SUGCT: variants seen among roughly 807,000 people sequenced by gnomAD.
The protein encoded by SUGCT is succinyl-CoA:glutarate CoA-transferase.
Under a neutral mutation model 55.0 loss-of-function variants are expected in SUGCT, and 41 were observed. The ratio of observed to expected loss-of-function variants is 0.74; its 90% CI spans 0.58 to 0.97. The LOEUF (loss-of-function observed/expected upper bound fraction) is 0.97, where lower values mean the gene tolerates loss of function less well. Ranked by LOEUF, SUGCT falls within the 50% of genes least tolerant of loss-of-function variation. SUGCT has a pLI of 0.00. For synonymous variants in SUGCT, 187 were observed against 200.4 expected, an observed-to-expected ratio of 0.93 and a Z score of 0.56; for missense variants, 568 against 547.8, an observed-to-expected ratio of 1.04 and a Z score of -0.37.
At chr7:40,489,069 T>C (rs1290451344) in intron 11 of SUGCT, among the ~76,000 whole-genome samples, 1 of 152,124 alleles carries the variant, frequency 6.6e-6, no homozygotes, top group Non-Finnish European at 1.5e-5. Context: ...CCCTTTACCT[T>C]TCTCCACTCT....
intron 1 of SUGCT, among the ~76,000 whole-genome samples, chr7:40,138,934 T>C (rs1472243006): frequency 6.6e-6 from 1 of 152,102 alleles, no homozygotes; most frequent in African/African-American, 2.4e-5. Context: ...TTAAAATGAT[T>C]ACAGCATACT....
intron 1 of SUGCT, among the ~76,000 whole-genome samples, chr7:40,167,986 G>A (rs1989589): frequency 0.51 from 77,602 of 151,984 alleles, 20,212 homozygotes; most frequent in Middle Eastern, 0.65. Context: ...AAATGCCTGG[G>A]GTTTATATCC....
chr7:40,522,712 C>CT (rs201700549), intron 12 of SUGCT, among the ~76,000 whole-genome samples: 1,973 of 152,150 alleles, frequency 0.013, 22 homozygotes, highest in Admixed American at 0.029. Context: ...TCTTTTTCCT[C>CT]TTAGTTTTAA....
intron 12 of SUGCT, among the ~76,000 whole-genome samples, chr7:40,640,540 G>A (rs189662155): frequency 1.5e-3 from 225 of 152,280 alleles, no homozygotes; most frequent in Admixed American, 3.0e-3. Flanking sequence ...CAGGTGTTCA[G>A]CATTAGCAAA....
chr7:40,344,508 T>G (rs1797213459), intron 9 of SUGCT, among the ~76,000 whole-genome samples: 2 of 152,210 alleles, frequency 1.3e-5, no homozygotes, highest in Non-Finnish European at 2.9e-5. Flanking sequence ...AAATTCAAAT[T>G]TAAAAGTCCA....
intron 13 of SUGCT, among the ~76,000 whole-genome samples, chr7:40,814,152 G>A (rs1285531158): frequency 6.6e-6 from 1 of 152,002 alleles, no homozygotes; most frequent in Non-Finnish European, 1.5e-5. Flanking sequence ...TGTCGACCTC[G>A]GATAGCCTAG....
At chr7:41,019,015 C>T in the SUGCT span, among the ~76,000 whole-genome samples, 1 of 151,756 alleles carries the variant, frequency 6.6e-6, no homozygotes, top group Non-Finnish European at 1.5e-5. Context: ...AAGCGATTCT[C>T]CTGCCTCAGC....
At chr7:40,952,162 T>A in the SUGCT span, among the ~76,000 whole-genome samples, 1 of 152,132 alleles carries the variant, frequency 6.6e-6, no homozygotes, top group Non-Finnish European at 1.5e-5. Flanking sequence ...ATATATTTAG[T>A]ATAGTTAGCT....
intron 1 of SUGCT, among the ~76,000 whole-genome samples, chr7:40,178,299 C>G (rs954345853): frequency 6.6e-6 from 1 of 152,152 alleles, no homozygotes; most frequent in Non-Finnish European, 1.5e-5. Context: ...TAGCTCCTGT[C>G]ACTTATTTGT....
chr7:40,387,490 C>T (rs995913601), intron 9 of SUGCT, among the ~76,000 whole-genome samples: 7 of 152,122 alleles, frequency 4.6e-5, no homozygotes, highest in African/African-American at 1.7e-4. Context: ...TCTGATTTCT[C>T]TTGTGGATGC....
chr7:41,003,234 T>A, the SUGCT span, among the ~76,000 whole-genome samples: 1 of 152,126 alleles, frequency 6.6e-6, no homozygotes, highest in Non-Finnish European at 1.5e-5. Context: ...GGGAGACCAC[T>A]AGGTGGCGCC....
chr7:40,609,435 C>T (rs376881809), intron 12 of SUGCT, among the ~76,000 whole-genome samples: 8 of 151,296 alleles, frequency 5.3e-5, no homozygotes, highest in South Asian at 2.1e-4. Flanking sequence ...GGCGTGGTGG[C>T]GGGCACCTGA....
intron 13 of SUGCT, among the ~76,000 whole-genome samples, chr7:40,757,405 T>C (rs1788309599): frequency 6.6e-6 from 1 of 152,192 alleles, no homozygotes; most frequent in African/African-American, 2.4e-5. Flanking sequence ...TAGTTGGGAC[T>C]TGGAAAGCTG....
At chr7:40,404,087 A>T (rs780327206) in intron 9 of SUGCT, among the ~76,000 whole-genome samples, 7 of 152,208 alleles carry the variant, frequency 4.6e-5, no homozygotes, top group Middle Eastern at 3.2e-3. Context: ...TGTGAAGATG[A>T]CTGGTACAGG....
chr7:40,835,067 A>T (rs906449944), intron 13 of SUGCT, among the ~76,000 whole-genome samples: 6 of 152,234 alleles, frequency 3.9e-5, no homozygotes, highest in Non-Finnish European at 7.3e-5. Context: ...TTACTGTCCA[A>T]TATGATAGCC....
At chr7:40,921,823 C>T in the SUGCT span, among the ~76,000 whole-genome samples, 1 of 152,100 alleles carries the variant, frequency 6.6e-6, no homozygotes, top group African/African-American at 2.4e-5. Context: ...TATGAGCATG[C>T]AAGGAAAGGC....
At chr7:40,715,404 C>T (rs1488942876) in intron 12 of SUGCT, among the ~76,000 whole-genome samples, 1 of 152,178 alleles carries the variant, frequency 6.6e-6, no homozygotes, top group Non-Finnish European at 1.5e-5. Flanking sequence ...CCATCTCCCT[C>T]CCTTCAGGAA....
intron 12 of SUGCT, among the ~76,000 whole-genome samples, chr7:40,551,879 G>A (rs1795315990): frequency 6.6e-6 from 1 of 152,222 alleles, no homozygotes; most frequent in African/African-American, 2.4e-5. Flanking sequence ...AAATCAAGGA[G>A]CTTTCACAGG....
chr7:40,939,120 C>T, the SUGCT span, among the ~76,000 whole-genome samples: 11 of 152,042 alleles, frequency 7.2e-5, no homozygotes, highest in South Asian at 2.1e-4. Context: ...TTCAGTTCCA[C>T]GTGGGTGGGG....
Sources: gnomAD v4.1 joint callset for allele counts (sites outside exome capture counted in the v4.1 genomes callset) on GRCh38, gnomAD v4.1.1 for gene constraint, MANE v1.5 for transcripts, NCBI Gene and HGNC (gene_info 2026-07-23, HGNC 2026-07-21) for gene names.